The following UNC80 variants were observed in gnomAD, a reference collection of about 807,000 sequenced individuals.
UNC80 encodes the protein unc-80 subunit of NALCN channel complex, also known as protein unc-80 homolog.
A neutral mutation model predicts 384.6 loss-of-function variants in UNC80; 164 were observed. That is an observed-to-expected ratio of 0.43 (90% CI 0.38 to 0.49). UNC80 has a LOEUF of 0.49. Among genes scored for constraint, UNC80 ranks in the 20% least tolerant of loss-of-function variants. The probability of loss-of-function intolerance (pLI) is 0.00; values close to 1 mark genes in which losing one functional copy is unlikely to be tolerated. For synonymous variants in UNC80, 1,486 were observed against 1,527.8 expected (o/e 0.97, Z 0.64); for missense variants, 3,330 against 4,143.0 (o/e 0.80, Z 5.39).
At chr2:209,825,068 A>G (rs767336611) in intron 13 of UNC80, among the ~76,000 whole-genome samples, 5 of 152,178 alleles carry the variant, frequency 3.3e-5, no homozygotes, top group African/African-American at 9.7e-5. Flanking sequence ...CAGACACTGG[A>G]ATCCCAGGTT....
intron 60 of UNC80, among the ~76,000 whole-genome samples, chr2:209,983,092 T>C (rs1297192564): frequency 6.6e-6 from 1 of 152,176 alleles, no homozygotes; most frequent in East Asian, 1.9e-4. Flanking sequence ...ATTGACCTTA[T>C]GTGATTTTAG....
intron 5 of UNC80, among the ~76,000 whole-genome samples, chr2:209,786,712 A>G (rs2077448981): frequency 6.6e-6 from 1 of 152,126 alleles, no homozygotes; most frequent in Non-Finnish European, 1.5e-5. Flanking sequence ...TGAAAAGTGC[A>G]TAGCAGGCTC....
chr2:209,960,269 G>A (rs1187958397), intron 51 of UNC80, among the ~76,000 whole-genome samples: 2 of 152,290 alleles, frequency 1.3e-5, no homozygotes, highest in East Asian at 1.9e-4. Flanking sequence ...ACTAGATGAG[G>A]CCAGTCGTCA....
At chr2:209,815,533 C>T (rs1175202273) in intron 9 of UNC80, 142 bp downstream of exon 9, 3 of 812,368 alleles carry the variant, frequency 3.7e-6, no homozygotes, top group Non-Finnish European at 5.7e-6. Context: ...AGATGTGACA[C>T]TGACTTGCAG....
intron 61 of UNC80, among the ~76,000 whole-genome samples, chr2:209,985,962 A>T (rs1000976543): frequency 1.3e-5 from 2 of 152,002 alleles, no homozygotes; most frequent in Non-Finnish European, 2.9e-5. Flanking sequence ...TTTTTTTTTA[A>T]CCAGACCCAT....
At chr2:209,818,675 T>C (rs542893038) in intron 11 of UNC80, among the ~76,000 whole-genome samples, 14 of 152,338 alleles carry the variant, frequency 9.2e-5, no homozygotes, top group African/African-American at 3.1e-4. Context: ...TGATCTATCA[T>C]CTAACAATGG....
chr2:209,921,120 A>C (rs1307758164), intron 33 of UNC80, among the ~76,000 whole-genome samples: 1 of 152,138 alleles, frequency 6.6e-6, no homozygotes, highest in Non-Finnish European at 1.5e-5. Context: ...GAGCCACCAC[A>C]CCTGGCCTGA....
chr2:209,806,444 G>A (rs532556431), intron 7 of UNC80, among the ~76,000 whole-genome samples: 13 of 152,212 alleles, frequency 8.5e-5, no homozygotes, highest in South Asian at 4.2e-4. Flanking sequence ...ATATATGTGC[G>A]TAGTCGCCCA....
intron 28 of UNC80, among the ~76,000 whole-genome samples, chr2:209,897,299 T>C (rs1384684009): frequency 6.6e-6 from 1 of 152,172 alleles, no homozygotes; most frequent in Non-Finnish European, 1.5e-5. Context: ...GAAAACATTA[T>C]CAACACCTAA....
At chr2:209,860,151 T>G (rs112590469) in intron 22 of UNC80, among the ~76,000 whole-genome samples, 14,412 of 152,264 alleles carry the variant, frequency 0.095, 832 homozygotes, top group South Asian at 0.24. Context: ...TCTAGGATTT[T>G]TATGGTTTGG....
In UNC80 at chr2:209,817,912, G is replaced by C. The variant is rs1288630358; in HGVS notation, c.1653G>C (p.Pro551=). 3 of 1,551,474 alleles carry C rather than the reference G, an allele frequency of 1.9e-6. No homozygotes were observed. ...ATCACACCCTGGTAAGCGACCTGCC[G>C]GACCCCTCCAACAGCCATGGAGAAA... The part of the protein sequence containing the change: ...HSHHTLVSDL[P]DPSNSHGENT... Residue 551 remains proline (P), a synonymous_variant, in exon 11 of 65, where the codon CCG becomes CCC. Transcript: ENST00000673920.
chr2:209,831,617 A>G, intron 16 of UNC80, 26 bp downstream of exon 16: 1 of 1,506,502 alleles, frequency 6.6e-7, no homozygotes, highest in Non-Finnish European at 8.9e-7. Flanking sequence ...CTCTTCCCAC[A>G]GGAGCTCTCA....
At chr2:209,907,007 A>G (rs191230811) in intron 29 of UNC80, among the ~76,000 whole-genome samples, 185 of 152,290 alleles carry the variant, frequency 1.2e-3, no homozygotes, top group African/African-American at 4.3e-3. Context: ...ACATAGCCCA[A>G]CCCAAACATT....
intron 35 of UNC80, 56 bp from the exon 36 acceptor site, chr2:209,926,787 A>G (rs2090469803): frequency 1.7e-5 from 26 of 1,542,050 alleles, no homozygotes; most frequent in Non-Finnish European, 2.1e-5. Flanking sequence ...AAACAACAGT[A>G]GCAACAAAGA....
At chr2:209,882,431 T>C (rs924277744) in intron 25 of UNC80, among the ~76,000 whole-genome samples, 1 of 152,152 alleles carries the variant, frequency 6.6e-6, no homozygotes, top group Non-Finnish European at 1.5e-5. Flanking sequence ...TGCTTCACAC[T>C]CTAGAACAGA....
chr2:209,806,246 C>T (rs1037878150), intron 7 of UNC80, among the ~76,000 whole-genome samples: 1 of 152,140 alleles, frequency 6.6e-6, no homozygotes, highest in Non-Finnish European at 1.5e-5. Flanking sequence ...GACATGTAGA[C>T]AGTAAATGAT....
At chr2:209,904,605 A>G (rs2087949958) in intron 28 of UNC80, among the ~76,000 whole-genome samples, 160 bp from the exon 29 acceptor site, 1 of 152,218 alleles carries the variant, frequency 6.6e-6, no homozygotes, top group African/African-American at 2.4e-5. Context: ...ATGTGGATAA[A>G]GAACCCTTTG....
chr2:209,966,303 A>G (rs1023655548), intron 51 of UNC80, among the ~76,000 whole-genome samples: 1 of 152,236 alleles, frequency 6.6e-6, no homozygotes, highest in African/African-American at 2.4e-5. Context: ...TTTTTAGAAT[A>G]TAAGCTTTTT....
intron 18 of UNC80, among the ~76,000 whole-genome samples, chr2:209,836,211 T>G (rs1471448485): frequency 6.6e-6 from 1 of 152,218 alleles, no homozygotes; most frequent in Non-Finnish European, 1.5e-5. Context: ...TAAGGTAGTC[T>G]TTAAGTACAT....
Sources: gnomAD v4.1 joint callset for allele counts (sites outside exome capture counted in the v4.1 genomes callset) on GRCh38, gnomAD v4.1.1 for gene constraint, MANE v1.5 for transcripts, NCBI Gene and HGNC (gene_info 2026-07-23, HGNC 2026-07-21) for gene names.